Variants in ZC3H4 observed in about 807,000 individuals in gnomAD.
ZC3H4 encodes the protein zinc finger CCCH-type containing 4.
A neutral mutation model predicts 108.3 loss-of-function variants in ZC3H4; 13 were observed. The observed-to-expected ratio is 0.12, with a 90% CI of 0.08 to 0.19. ZC3H4 has a LOEUF of 0.19. Ranked by LOEUF, ZC3H4 falls within the 10% of genes least tolerant of loss-of-function variation. ZC3H4 has a pLI of 1.00. For missense variants in ZC3H4, 1,734 were observed against 1,838.8 expected (o/e 0.94, Z 1.04); for synonymous variants, 917 against 749.6 (o/e 1.22, Z -3.65).
chr19:47,067,695 C>T lies in ZC3H4; in HGVS notation c.2573G>A (p.Arg858Gln). The T allele has an allele frequency of 3.7e-6, 6 of 1,601,486 alleles. No individual in the cohort carries two copies. Among genetic ancestry groups the T allele is most frequent in the African/African-American group, 1.3e-5 (1 of 74,936 alleles). ...CCGGCTGAGGCGAGGGTCAGCCAGCCGGCTTCCTGTGGGGTGTCCCTTCTG... is the reference window on the plus strand; with the variant it reads ...CCGGCTGAGGCGAGGGTCAGCCAGCTGGCTTCCTGTGGGGTGTCCCTTCTG... ...RLQKGHPTGS[R>Q]LADPRLSRDP... Residue 858 changes from arginine (R) to glutamine (Q), a missense_variant, in exon 15 of 15, where the codon CGG becomes CAG. Coordinates refer to ENST00000253048, the MANE Select transcript of ZC3H4 (RefSeq NM_015168.2). This position sits in a 1 kb window ranked among gnomAD's most constrained non-coding sequence, Gnocchi z 6.4.
chr19:47,112,354 G>A (rs1020959275), intron 2 of ZC3H4, 70 bp downstream of exon 2: 16 of 1,220,484 alleles, frequency 1.3e-5, no homozygotes, highest in Non-Finnish European at 1.6e-5. Context: ...CAACATGGCG[G>A]CCGCCCCCCT....
intron 2 of ZC3H4, among the ~76,000 whole-genome samples, chr19:47,110,599 A>C (rs541080518): frequency 1.7e-3 from 263 of 152,310 alleles, no homozygotes; most frequent in Middle Eastern, 0.01. Context: ...GGAGAAAAAG[A>C]GGGAGATCAT....
At chr19:47,086,689 GC>G in intron 5 of ZC3H4, 151 bp from the exon 6 acceptor site, 1 of 1,397,028 alleles carries the variant, frequency 7.2e-7, no homozygotes, top group Non-Finnish European at 9.3e-7. Context: ...CTTCCTAGAT[GC>G]CCCAGGTAGG....
intron 9 of ZC3H4, 43 bp from the exon 10 acceptor site, chr19:47,082,338 G>T: frequency 1.4e-6 from 2 of 1,461,086 alleles, no homozygotes; most frequent in Non-Finnish European, 1.9e-6. Flanking sequence ...GGCGTGGGAA[G>T]CTCTTGCTTA....
chr19:47,102,018 A>AT (rs1394976168), intron 2 of ZC3H4, among the ~76,000 whole-genome samples: 29 of 152,322 alleles, frequency 1.9e-4, no homozygotes, highest in Admixed American at 8.5e-4. Flanking sequence ...TGGGTGACAG[A>AT]TTGAGACTTC....
chr19:47,066,373 A>G lies in ZC3H4; in HGVS notation c.3895T>C (p.Ser1299Pro). The G allele has an allele frequency of 3.2e-6, 5 of 1,555,344 alleles. No individual in the cohort carries two copies. The highest frequency in any genetic ancestry group is 4.0e-5 in the Admixed American group (2 of 50,048). The change falls in exon 15 of 15, where the codon TCC becomes CCC. Residue 1299 changes from serine to proline, a missense_variant. Ser to Pro is a moderately conservative substitution (Grantham distance 74). Around this residue, in one of 9 missense-constraint regions of ZC3H4, gnomAD observed 518 missense variants for 499.6 expected, o/e 1.04. Transcript: ENST00000253048. Reference sequence around the variant, plus strand: ...GCTGGACACTACTGGCAAAAGGGGGAGGCCGTGGGGTCGAAGCCTTTAAAA... The same window carrying G: ...GCTGGACACTACTGGCAAAAGGGGGGGGCCGTGGGGTCGAAGCCTTTAAAA... ...DVFKGFDPTA[S>P]PFCQ is the part of the protein sequence containing the mutation.
intron 11 of ZC3H4, among the ~76,000 whole-genome samples, chr19:47,076,010 A>T (rs1021655224): frequency 6.6e-6 from 1 of 152,212 alleles, no homozygotes; most frequent in Non-Finnish European, 1.5e-5. Flanking sequence ...CAGTGATCAC[A>T]GTTTCCAACA....
chr19:47,089,555 A>T (rs2057694384), intron 5 of ZC3H4, among the ~76,000 whole-genome samples: 1 of 152,178 alleles, frequency 6.6e-6, no homozygotes, highest in African/African-American at 2.4e-5. Flanking sequence ...CAAAGGACAC[A>T]GGTTCAAGGT....
chr19:47,067,106 A>G lies in ZC3H4; in HGVS notation c.3162T>C (p.Asn1054=). The G allele has an allele frequency of 1.2e-6, 2 of 1,611,808 alleles. No individual in the cohort carries two copies. The highest frequency in any genetic ancestry group is 1.7e-6 in the Non-Finnish European group (2 of 1,178,928). ...ELLSRILKTV[N]ATGSSAAPGS... ...CGGGGGCGGCCGAGGAGCCGGTGGCATTGACTGTCTTGAGGATGCGAGACA... is the reference window on the plus strand; with the variant it reads ...CGGGGGCGGCCGAGGAGCCGGTGGCGTTGACTGTCTTGAGGATGCGAGACA... Residue 1054 remains asparagine (N), a synonymous_variant, in exon 15 of 15, where the codon AAT becomes AAC. Transcript: ENST00000253048. The surrounding 1 kb of genome is among the most constrained non-coding windows in gnomAD (Gnocchi z 6.4).
At chr19:47,076,885 C>CGT (rs1274821044) in intron 11 of ZC3H4, among the ~76,000 whole-genome samples, 16 of 151,996 alleles carry the variant, frequency 1.1e-4, no homozygotes, top group Non-Finnish European at 7.4e-5. Context: ...CCCAGCTACT[C>CGT]AGGAGGCTGA....
chr19:47,066,765 C>A lies in ZC3H4; in HGVS notation c.3503G>T (p.Gly1168Val). Residue 1168 changes from glycine to valine, a missense_variant, in exon 15 of 15, where the codon GGT becomes GTT. Coordinates refer to ENST00000253048, the MANE Select transcript of ZC3H4 (RefSeq NM_015168.2). ...GKATEPAADTGAQPKGAEGNG... is the reference protein window; with the variant it reads ...GKATEPAADTVAQPKGAEGNG... ...GCCCTCAGCACCCTTGGGCTGGGCA[C>A]CCGTGTCAGCAGCCGGCTCTGTGGC... 6.2e-7 allele frequency: 1 copy of A among 1,603,306 alleles called. No homozygotes were observed. Among genetic ancestry groups the A allele is most frequent in the South Asian group, 1.1e-5 (1 of 90,284 alleles).
chr19:47,099,035 C>T (rs2057866027), intron 2 of ZC3H4, among the ~76,000 whole-genome samples: 1 of 152,168 alleles, frequency 6.6e-6, no homozygotes, highest in African/African-American at 2.4e-5. Context: ...GGATAAAGCC[C>T]TTGACATGAG....
rs2057220027 is a variant in ZC3H4, at chr19:47,067,040, G to C, written c.3228C>G (p.Ala1076=). 2 of 1,604,630 alleles carry C rather than the reference G, an allele frequency of 1.2e-6. No individual in the cohort carries two copies. Among genetic ancestry groups the C allele is most frequent in the Non-Finnish European group, 1.7e-6 (2 of 1,175,388 alleles). Residue 1076 remains alanine, a synonymous_variant, in exon 15 of 15, where the codon GCC becomes GCG. Coordinates refer to ENST00000253048, the MANE Select transcript of ZC3H4 (RefSeq NM_015168.2). The surrounding 1 kb of genome is among the most constrained non-coding windows in gnomAD (Gnocchi z 6.4). The stretch of plus-strand genomic sequence containing the variant: ...GTTTCTGCAGCCGAGGGTCGGTGGG[G>C]GCCTTCCGCACCCGGGGGTCACTGG... ...DKPSDPRVRK[A]PTDPRLQKPT...
chr19:47,075,905 C>A lies in ZC3H4; in HGVS notation c.1441-3192G>T, dbSNP rs570244906. Among the ~76,000 whole-genome samples the A allele has an allele frequency of 2.0e-5, 3 of 152,278 alleles. No homozygotes were observed. The East Asian group carries it at 5.8e-4, about 29-fold the overall frequency. ...CTGCCAGCACAGACCCTGTGGAGGGCACCTCTGTCCCTGGCCCCTCCACCA... is the reference window on the plus strand; with the variant it reads ...CTGCCAGCACAGACCCTGTGGAGGGAACCTCTGTCCCTGGCCCCTCCACCA... On this transcript the variant is annotated intron_variant, in intron 11 of 14. Coordinates refer to ENST00000253048, the MANE Select transcript of ZC3H4 (RefSeq NM_015168.2).
At chr19:47,101,629 T>C (rs1295073957) in intron 2 of ZC3H4, among the ~76,000 whole-genome samples, 1 of 151,958 alleles carries the variant, frequency 6.6e-6, no homozygotes, top group Non-Finnish European at 1.5e-5. Context: ...TCCCAGCACT[T>C]TGGGAGGCTG....
At chr19:47,105,046 C>T (rs1234398773) in intron 2 of ZC3H4, among the ~76,000 whole-genome samples, 1 of 152,100 alleles carries the variant, frequency 6.6e-6, no homozygotes, top group African/African-American at 2.4e-5. Context: ...AGGAGTGGAA[C>T]GCAGGGAGAA....
At chr19:47,104,350 A>G (rs2057942459) in intron 2 of ZC3H4, among the ~76,000 whole-genome samples, 1 of 152,170 alleles carries the variant, frequency 6.6e-6, no homozygotes, top group Admixed American at 6.6e-5. Flanking sequence ...CTTAAAAAGA[A>G]CTGATACAAC....
Position 47,085,504 on chromosome 19 carries a change from G to A in ZC3H4, c.871-90C>T. On this transcript the variant is annotated intron_variant, in intron 6 of 14. Coordinates refer to ENST00000253048, the MANE Select transcript of ZC3H4 (RefSeq NM_015168.2). ...TACACACTGCTCCTTTTTGAAGGAT[G>A]GTGACCATCCAGGGGACTCATACCA... 1.1e-5 allele frequency: 13 copies of A among 1,221,206 alleles called. No individual in the cohort carries two copies. The South Asian group carries it at 2.0e-4, about 19-fold the overall frequency. The allele number at this position is 1,221,206 out of a possible 1,614,324, so 75.6% of individuals were successfully genotyped here.
At chr19:47,093,555 C>A (rs1338056702) in intron 4 of ZC3H4, among the ~76,000 whole-genome samples, 1 of 152,178 alleles carries the variant, frequency 6.6e-6, no homozygotes, top group Admixed American at 6.5e-5. Context: ...CAAATCCCAG[C>A]TCCTTTACTT....
Sources: allele counts gnomAD v4.1 joint callset (sites outside exome capture counted in the v4.1 genomes callset), GRCh38; gene constraint gnomAD v4.1.1; regional missense constraint gnomAD v4.1.1; non-coding constraint Gnocchi (gnomAD v3.1); transcripts MANE v1.5; gene names NCBI Gene and HGNC (gene_info 2026-07-23, HGNC 2026-07-21).